FAM167A: variants seen among roughly 807,000 people sequenced by gnomAD.
FAM167A encodes the protein family with sequence similarity 167 member A, also known as protein FAM167A.
A neutral mutation model predicts 14.9 loss-of-function variants in FAM167A; 23 were observed. The observed-to-expected ratio is 1.55, with a 90% confidence interval of 1.11 to 2.19. The LOEUF is 2.19. Among genes scored for constraint, FAM167A ranks in the 30% most tolerant of loss-of-function variants. The pLI is 0.00. For missense variants in FAM167A, 401 were observed against 281.5 expected (o/e 1.42, Z -3.04); for synonymous variants, 174 against 117.7 (o/e 1.48, Z -3.10).
intron 1 of FAM167A, among the ~76,000 whole-genome samples, chr8:11,447,361 T>C (rs1806829858): frequency 6.6e-6 from 1 of 152,044 alleles, no homozygotes; most frequent in Non-Finnish European, 1.5e-5. Flanking sequence ...TTTTGTATTT[T>C]TAGTAGAGAC....
chr8:11,437,225 T>C (rs1009488882), intron 2 of FAM167A, among the ~76,000 whole-genome samples: 1 of 152,296 alleles, frequency 6.6e-6, no homozygotes, highest in Middle Eastern at 3.4e-3. Flanking sequence ...TGCTGATTGA[T>C]CTTGGGCAAG....
chr8:11,446,353 T>A (rs1309665295), intron 1 of FAM167A: 1 of 152,112 alleles, frequency 6.6e-6, no homozygotes, highest in Non-Finnish European at 1.5e-5. Flanking sequence ...CCATGGAGAA[T>A]GAGAAGGAAT....
intron 2 of FAM167A, among the ~76,000 whole-genome samples, chr8:11,442,762 T>C (rs1367660717): frequency 2.0e-5 from 3 of 151,840 alleles, no homozygotes; most frequent in African/African-American, 7.3e-5. Context: ...AGGTGCCTCA[T>C]CTTCTCCGAA....
At chr8:11,430,348 C>A (rs1805494182) in intron 2 of FAM167A, among the ~76,000 whole-genome samples, 1 of 152,218 alleles carries the variant, frequency 6.6e-6, no homozygotes, top group Non-Finnish European at 1.5e-5. Flanking sequence ...CCACACGTGG[C>A]CCCTTTGAAA....
chr8:11,430,829 G>A (rs1805530328), intron 2 of FAM167A, among the ~76,000 whole-genome samples: 1 of 152,172 alleles, frequency 6.6e-6, no homozygotes, highest in South Asian at 2.1e-4. Context: ...GCAAGGGGAA[G>A]GTCAGCCGAG....
chr8:11,471,174 G>C (rs1248794192), upstream of FAM167A, among the ~76,000 whole-genome samples: 1 of 152,208 alleles, frequency 6.6e-6, no homozygotes, highest in Admixed American at 6.5e-5. Flanking sequence ...CTTCAGCTAG[G>C]AGAGGTGCCC....
Position 11,444,198 on chromosome 8 carries a change from C to T in FAM167A, c.214G>A (p.Glu72Lys). The T allele has an allele frequency of 6.2e-7, 1 of 1,613,072 alleles. No individual in the cohort carries two copies. The highest frequency in any genetic ancestry group is 2.2e-5 in the East Asian group (1 of 44,870). ...RPAAEPQASLEEGERGGQEPL... is the reference protein window; with the variant it reads ...RPAAEPQASLKEGERGGQEPL... ...TCCTGCCCCCCACGCTCCCCCTCCT[C>T]CAAGCTCGCCTGTGGCTCCGCAGCC... Residue 72 changes from glutamate (E) to lysine (K), a missense_variant, in exon 2 of 3, where the codon GAG becomes AAG. Coordinates refer to ENST00000284486, the MANE Select transcript of FAM167A (RefSeq NM_053279.3).
At chr8:11,447,563 C>T (rs1486895713) in intron 1 of FAM167A, among the ~76,000 whole-genome samples, 1 of 152,184 alleles carries the variant, frequency 6.6e-6, no homozygotes, top group Non-Finnish European at 1.5e-5. Context: ...CCCATGTGAG[C>T]CCCAAAGTAG....
At chr8:11,432,361 TAAAC>T (rs1805665321) in intron 2 of FAM167A, among the ~76,000 whole-genome samples, 1 of 152,088 alleles carries the variant, frequency 6.6e-6, no homozygotes, top group Non-Finnish European at 1.5e-5. Flanking sequence ...ACAAAGAACT[TAAAC>T]AAATTTACAA....
intron 1 of FAM167A, among the ~76,000 whole-genome samples, chr8:11,446,867 T>G (rs1444648575): frequency 6.6e-6 from 1 of 152,224 alleles, no homozygotes. Context: ...GTTTTGAGCA[T>G]GTCTGGGGCA....
chr8:11,468,039 C>T (rs971227163), upstream of FAM167A, among the ~76,000 whole-genome samples: 1 of 152,228 alleles, frequency 6.6e-6, no homozygotes, highest in Non-Finnish European at 1.5e-5. Context: ...AAGCCACCAG[C>T]AGCTTGCCCT....
intron 1 of FAM167A, among the ~76,000 whole-genome samples, chr8:11,448,277 C>G (rs1242296979): frequency 6.6e-6 from 1 of 152,054 alleles, no homozygotes; most frequent in Non-Finnish European, 1.5e-5. Context: ...TGTGCCACTG[C>G]CCACAGCCAT....
chr8:11,467,270 G>A (rs924037727), upstream of FAM167A, among the ~76,000 whole-genome samples: 2 of 152,406 alleles, frequency 1.3e-5, no homozygotes, highest in African/African-American at 4.8e-5. Context: ...GCGAGCGTTT[G>A]CCCCACTAAC....
rs1217478208 is a variant in FAM167A at position 11,423,097 on chromosome 8, C to A, written c.*1276G>T. 1 of 152,570 alleles carries A rather than the reference C, an allele frequency of 6.6e-6. No individual in the cohort carries two copies. The highest frequency in any genetic ancestry group is 2.1e-4 in the South Asian group (1 of 4,828). 9.5% of individuals were successfully genotyped at this position (152,570 alleles called of 1,614,324 possible). A position where few individuals can be genotyped will look rare whatever the true frequency, so the allele number is the denominator to read the frequency against. ...GCAACCTGAGGGAAGTCCTTCTCCT[C>A]CCCCAGGTTTCACTTTGCTCCTTTA... On this transcript the variant is annotated 3_prime_UTR_variant, in exon 3 of 3. Coordinates refer to ENST00000284486, the MANE Select transcript of FAM167A (RefSeq NM_053279.3).
At chr8:11,474,040 A>AT (rs1000910413) in intron 1 of FAM167A, among the ~76,000 whole-genome samples, 7 of 151,932 alleles carry the variant, frequency 4.6e-5, no homozygotes, top group African/African-American at 1.7e-4. Flanking sequence ...TGCCCGGCTA[A>AT]TTTTTTGTAT....
At chr8:11,454,673 C>G (rs1807157953) in intron 1 of FAM167A, among the ~76,000 whole-genome samples, 1 of 152,234 alleles carries the variant, frequency 6.6e-6, no homozygotes, top group Non-Finnish European at 1.5e-5. Context: ...TCCCTTTGTT[C>G]TGGGTGAGTA....
chr8:11,466,754 G>T (rs1807791064), upstream of FAM167A: 1 of 151,424 alleles, frequency 6.6e-6, no homozygotes, highest in South Asian at 2.1e-4. Flanking sequence ...GTGAATTCTC[G>T]GCGCTGCTCC....
intron 1 of FAM167A, among the ~76,000 whole-genome samples, chr8:11,448,703 T>G (rs770878096): frequency 6.6e-6 from 1 of 152,232 alleles, no homozygotes; most frequent in African/African-American, 2.4e-5. Context: ...AACCATTCCA[T>G]GCCTGCTCCC....
intron 1 of FAM167A, among the ~76,000 whole-genome samples, chr8:11,455,359 G>C (rs969092487): frequency 4.4e-5 from 6 of 137,210 alleles, no homozygotes; most frequent in Non-Finnish European, 6.3e-5. Context: ...AGTGTGAGGA[G>C]TGTGAGTGTG....
Sources: allele counts gnomAD v4.1 joint callset (sites outside exome capture counted in the v4.1 genomes callset), GRCh38; gene constraint gnomAD v4.1.1; transcripts MANE v1.5; gene names NCBI Gene and HGNC (gene_info 2026-07-23, HGNC 2026-07-21).